Variants in WNK1 observed in about 807,000 individuals in gnomAD.
WNK1 encodes serine/threonine-protein kinase WNK1.
Under a neutral mutation model 222.8 loss-of-function variants are expected in WNK1, and 38 were observed. The observed-to-expected ratio is 0.17, with a 90% CI of 0.13 to 0.22. The LOEUF (loss-of-function observed/expected upper bound fraction) is 0.22. WNK1 is among the 10% of genes least tolerant of loss of function. WNK1 has a pLI of 1.00. For missense variants in WNK1, 2,348 were observed against 2,918.4 expected, an observed-to-expected ratio of 0.80 and a Z score of 4.50; for synonymous variants, 1,090 against 1,092.9, an observed-to-expected ratio of 1.00 and a Z score of 0.05.
chr12:892,915 ATATT>A (rs940490937), intron 22 of WNK1, among the ~76,000 whole-genome samples: 28 of 152,308 alleles, frequency 1.8e-4, no homozygotes, highest in Non-Finnish European at 3.4e-4. Context: ...TCATTGTGGT[ATATT>A]TATTGTACAG....
chr12:897,833 C>A (rs765898346), intron 25 of WNK1, 152 bp downstream of exon 25: 4 of 753,252 alleles, frequency 5.3e-6, no homozygotes, highest in South Asian at 1.6e-5. Context: ...GCTGTACTTA[C>A]ATTTATTGTA....
intron 4 of WNK1, among the ~76,000 whole-genome samples, chr12:848,301 T>G (rs774480706): frequency 2.0e-5 from 3 of 152,124 alleles, no homozygotes; most frequent in Admixed American, 6.6e-5. Context: ...AAATGTCAGA[T>G]GCTTAAATGG....
chr12:865,536 G>A (rs72649850), intron 8 of WNK1, among the ~76,000 whole-genome samples: 173 of 152,232 alleles, frequency 1.1e-3, no homozygotes, highest in African/African-American at 3.9e-3. Context: ...GCTTTAAGGG[G>A]GAATAAAAAG....
intron 8 of WNK1, among the ~76,000 whole-genome samples, chr12:864,604 T>C (rs1432964338): frequency 6.6e-6 from 1 of 152,226 alleles, no homozygotes; most frequent in Non-Finnish European, 1.5e-5. Flanking sequence ...CAACTTTCCA[T>C]CTCATGTCTT....
rs758393151 is a variant in WNK1 at position 879,941 on chromosome 12, C to G, written c.2742C>G (p.Leu914=). The change falls in exon 11 of 28, where the codon CTC becomes CTG. Residue 914 remains leucine, a synonymous_variant. Coordinates refer to ENST00000315939, the MANE Select transcript of WNK1 (RefSeq NM_018979.4). ...TGCCAAGTCAGGTTCACCCACAGCT[C>G]CTACAACCAGCAGTTCAGTCCATGG... ...TQLPSQVHPQ[L]LQPAVQSMGI... The G allele has an allele frequency of 1.2e-6, 2 of 1,614,126 alleles. No individual in the cohort carries two copies. The highest frequency in any genetic ancestry group is 1.7e-6 in the Non-Finnish European group (2 of 1,180,004).
intron 1 of WNK1, among the ~76,000 whole-genome samples, chr12:766,988 G>C (rs1941792857): frequency 6.6e-6 from 1 of 152,042 alleles, no homozygotes; most frequent in Non-Finnish European, 1.5e-5. Context: ...TGTTGGCCAG[G>C]CTGATCTTGA....
At chr12:771,491 TTG>T (rs1942492858) in intron 1 of WNK1, among the ~76,000 whole-genome samples, 1 of 151,790 alleles carries the variant, frequency 6.6e-6, no homozygotes, top group African/African-American at 2.4e-5. Flanking sequence ...TTAAATTTTT[TTG>T]TTTGTTTTTG....
rs369511479 is a variant in WNK1, at chr12:884,791, A to G, written c.3987A>G (p.Thr1329=). 1.2e-6 allele frequency: 2 copies of G among 1,614,208 alleles called. No homozygotes were observed. The highest frequency in any genetic ancestry group is 8.5e-7 in the Non-Finnish European group (1 of 1,180,034). ...CAGCACCTCCAAACTTTAGTCATAC[A>G]GGACCAACATTTCCAGTAGTACCTC... is the stretch of plus-strand genomic sequence containing the variant. ...PNTAPPNFSH[T]GPTFPVVPPF... is the part of the protein sequence containing the mutation. The change falls in exon 19 of 28, where the codon ACA becomes ACG. Residue 1329 remains threonine (T), a synonymous_variant. Coordinates refer to ENST00000315939, the MANE Select transcript of WNK1 (RefSeq NM_018979.4). This position sits in a 1 kb window ranked among gnomAD's most constrained non-coding sequence, Gnocchi z 5.6.
chr12:907,024 T>TAA lies in WNK1; in HGVS notation c.6644-810_6644-809dup, dbSNP rs67823034. Among the ~76,000 whole-genome samples, 47 of 47,432 alleles carry TAA rather than the reference T, an allele frequency of 9.9e-4. 2 individuals are homozygous for TAA. The highest frequency in any genetic ancestry group is 1.4e-3 in the Non-Finnish European group (41 of 28,884). The allele number at this position is 47,432 out of a possible 152,430, so 31.1% of individuals were successfully genotyped here. A position where few individuals can be genotyped will look rare whatever the true frequency, so the allele number is the denominator to read the frequency against. ...ACAGAAAAAGAAGAGACCCTTCCTT[T>TAA]AAAAAAAAAAAAAAGCCGGGCGTGG... On this transcript the variant is annotated intron_variant, in intron 26 of 27. Transcript: ENST00000315939.
Position 813,747 on chromosome 12 carries a change from T to C in WNK1, c.865T>C (p.Ser289Pro), listed in dbSNP as rs200234585. The change falls in exon 2 of 28, where the codon TCC becomes CCC. Residue 289 changes from serine to proline, a missense_variant. Around this residue, in one of 13 missense-constraint regions of WNK1, gnomAD observed 57 missense variants for 219.0 expected, o/e 0.26. Transcript: ENST00000315939. ...TGTTAGATTTTATGATTCCTGGGAA[T>C]CCACAGTAAAAGGAAAGAAGTGCAT... ...NIVRFYDSWE[S>P]TVKGKKCIVL... 2.9e-4 allele frequency: 462 copies of C among 1,613,898 alleles called. No individual in the cohort carries two copies. Among genetic ancestry groups the C allele is most frequent in the Non-Finnish European group, 3.7e-4 (439 of 1,179,986 alleles).
intron 1 of WNK1, among the ~76,000 whole-genome samples, chr12:811,622 T>C (rs1027204458): frequency 6.6e-6 from 1 of 152,210 alleles, no homozygotes; most frequent in Non-Finnish European, 1.5e-5. Flanking sequence ...TATGTTAGTT[T>C]TGATCTACTT....
intron 8 of WNK1, chr12:865,020 C>CAT: frequency 4.3e-6 from 6 of 1,399,884 alleles, no homozygotes; most frequent in Non-Finnish European, 5.6e-6. Context: ...AACATTTCTT[C>CAT]ATGCAACTAT....
chr12:853,251 A>G (rs913110722), intron 4 of WNK1, among the ~76,000 whole-genome samples: 18 of 152,216 alleles, frequency 1.2e-4, no homozygotes, highest in African/African-American at 3.6e-4. Context: ...TTAAGGTTGT[A>G]TTATGCACAG....
chr12:877,528 C>T (rs1424003999), intron 9 of WNK1, among the ~76,000 whole-genome samples: 1 of 152,140 alleles, frequency 6.6e-6, no homozygotes, highest in African/African-American at 2.4e-5. Context: ...TTAAATTATA[C>T]TTGAGTCCCT....
chr12:893,321 G>T lies in WNK1; in HGVS notation c.5510-1241G>T, dbSNP rs562046930. Among the ~76,000 whole-genome samples, 124 of 152,144 alleles carry T rather than the reference G, an allele frequency of 8.2e-4. 1 individual carries two copies. Among genetic ancestry groups the T allele is most frequent in the South Asian group, 1.2e-3 (6 of 4,814 alleles). ...CATCAGTAGAAGCCTGATTAAATAT[G>T]AAATATATATATGGTATATACATAG... On this transcript the variant is annotated intron_variant, in intron 22 of 27. Coordinates refer to ENST00000315939, the MANE Select transcript of WNK1 (RefSeq NM_018979.4).
At chr12:907,757 C>T in intron 26 of WNK1, 90 bp from the exon 27 acceptor site, 1 of 1,433,520 alleles carries the variant, frequency 7.0e-7, no homozygotes. Flanking sequence ...CATTCTGTGG[C>T]TTGCCATTCA....
At chr12:878,508 A>C in intron 10 of WNK1, 147 bp downstream of exon 10, 12 of 877,708 alleles carry the variant, frequency 1.4e-5, no homozygotes, top group Non-Finnish European at 1.9e-5. Flanking sequence ...GGTTAATCTC[A>C]TTGCAGAAAT....
intron 1 of WNK1, among the ~76,000 whole-genome samples, chr12:797,294 G>A (rs1411643606): frequency 2.6e-5 from 4 of 152,042 alleles, no homozygotes; most frequent in Non-Finnish European, 5.9e-5. Flanking sequence ...TGGATATTGT[G>A]TTCAATAAAG....
At chr12:849,832 C>T (rs1162797852) in intron 4 of WNK1, among the ~76,000 whole-genome samples, 3 of 151,888 alleles carry the variant, frequency 2.0e-5, no homozygotes, top group Non-Finnish European at 4.4e-5. Flanking sequence ...GTTTTTTGTC[C>T]TTGCGATAGT....
Sources: gnomAD v4.1 joint callset for allele counts (sites outside exome capture counted in the v4.1 genomes callset) on GRCh38, gnomAD v4.1.1 for gene constraint, gnomAD v4.1.1 regional missense constraint, Gnocchi (gnomAD v3.1) non-coding constraint, MANE v1.5 for transcripts, NCBI Gene and HGNC (gene_info 2026-07-23, HGNC 2026-07-21) for gene names.